The following BLM variants were observed in gnomAD, a reference collection of about 807,000 sequenced individuals.
The protein encoded by BLM is recQ-like DNA helicase BLM.
In BLM, 95 loss-of-function variants were observed where a neutral mutation model predicts 135.3. The observed-to-expected ratio is 0.70, with a 90% CI of 0.59 to 0.83. BLM has a LOEUF of 0.83. Among genes scored for constraint, BLM ranks in the 40% least tolerant of loss-of-function variants. BLM has a pLI of 0.00. For missense variants in BLM, 1,518 were observed against 1,663.9 expected (o/e 0.91, Z 1.53); for synonymous variants, 520 against 589.2 (o/e 0.88, Z 1.70).
intron 12 of BLM, among the ~76,000 whole-genome samples, chr15:90,781,437 C>T (rs1488209355): frequency 6.6e-6 from 1 of 152,072 alleles, no homozygotes; most frequent in Non-Finnish European, 1.5e-5. Context: ...CCAGCCTGGC[C>T]AACATGGTGA....
At chr15:90,772,263 C>G (rs1896341861) in intron 12 of BLM, among the ~76,000 whole-genome samples, 1 of 152,186 alleles carries the variant, frequency 6.6e-6, no homozygotes, top group Admixed American at 6.5e-5. Context: ...GTGCTGCTCT[C>G]CTCCCGCCAG....
chr15:90,722,174 A>G (rs1173997339), intron 1 of BLM, among the ~76,000 whole-genome samples: 1 of 151,730 alleles, frequency 6.6e-6, no homozygotes. Flanking sequence ...CAGTGGCGCA[A>G]TCTTGGCTCA....
At chr15:90,758,274 G>C (rs1895872844) in intron 5 of BLM, among the ~76,000 whole-genome samples, 1 of 152,082 alleles carries the variant, frequency 6.6e-6, no homozygotes, top group Admixed American at 6.5e-5. Context: ...GATCATTTGA[G>C]GTTTAGGAGT....
In BLM at chr15:90,754,874, T is replaced by C. The variant is rs28385006; in HGVS notation, c.1023T>C (p.Leu341=). The change falls in exon 5 of 22, where the codon CTT becomes CTC. Residue 341 remains leucine (L), a synonymous_variant. Transcript: ENST00000355112. The part of the protein sequence containing the change: ...KEDVLSTSKD[L]LSKPEKMSMQ... ...ATGTTCTTAGCACATCAAAAGATCTTTTGTCAAAACCTGAGAAAATGAGTA... is the reference window on the plus strand; with the variant it reads ...ATGTTCTTAGCACATCAAAAGATCTCTTGTCAAAACCTGAGAAAATGAGTA... The C allele has an allele frequency of 4.3e-6, 7 of 1,613,960 alleles. No homozygotes were observed. The East Asian group carries it at 1.6e-4, about 36-fold the overall frequency.
intron 7 of BLM, among the ~76,000 whole-genome samples, chr15:90,762,165 G>GT (rs1555420067): frequency 6.6e-6 from 1 of 152,158 alleles, no homozygotes; most frequent in Non-Finnish European, 1.5e-5. Context: ...TGGGGTTAGC[G>GT]TAACTGCCAG....
intron 9 of BLM, among the ~76,000 whole-genome samples, chr15:90,766,627 C>T (rs1326103864): frequency 2.0e-5 from 3 of 151,934 alleles, no homozygotes; most frequent in Admixed American, 6.6e-5. Context: ...GGGGTTTCTC[C>T]GTGTTGGCCA....
At chr15:90,737,490 G>A (rs530888880) in intron 1 of BLM, among the ~76,000 whole-genome samples, 294 of 152,278 alleles carry the variant, frequency 1.9e-3, no homozygotes, top group Non-Finnish European at 3.4e-3. Flanking sequence ...TTCTATGGCT[G>A]AAGCAGGAAA....
At position 90,809,207 on chromosome 15, in the gene BLM, T is replaced by C. The variant is rs578242272; in HGVS notation, c.3822T>C (p.Tyr1274=). The C allele has an allele frequency of 1.2e-6, 2 of 1,614,194 alleles. No homozygotes were observed. The highest frequency in any genetic ancestry group is 2.2e-5 in the East Asian group (1 of 44,890). ...DGVTEDKLEK[Y]GAEVISVLQK... is the part of the protein sequence containing the mutation. ...TTACTGAAGACAAACTGGAAAAATA[T>C]GGTGCGGAAGTGATTTCAGTATTAC... The change falls in exon 20 of 22, where the codon TAT becomes TAC. Residue 1274 remains tyrosine, a synonymous_variant. Transcript: ENST00000355112.
chr15:90,772,222 A>G (rs918479521), intron 12 of BLM, among the ~76,000 whole-genome samples: 19 of 152,176 alleles, frequency 1.2e-4, no homozygotes, highest in East Asian at 1.9e-4. Flanking sequence ...TGGCGAAGTC[A>G]GGTATTCCTA....
At chr15:90,741,124 C>G (rs1200528358) in intron 1 of BLM, among the ~76,000 whole-genome samples, 1 of 152,140 alleles carries the variant, frequency 6.6e-6, no homozygotes, top group South Asian at 2.1e-4. Flanking sequence ...TTTATTATAG[C>G]TACTTTTTAA....
intron 19 of BLM, among the ~76,000 whole-genome samples, chr15:90,808,224 C>T (rs567462854): frequency 1.3e-5 from 2 of 152,322 alleles, no homozygotes; most frequent in East Asian, 3.9e-4. Context: ...ATTAAACCCC[C>T]TTCATAAACC....
At chr15:90,725,762 C>T (rs1894896877) in intron 1 of BLM, among the ~76,000 whole-genome samples, 1 of 151,710 alleles carries the variant, frequency 6.6e-6, no homozygotes, top group Non-Finnish European at 1.5e-5. Flanking sequence ...CCACCCGCCT[C>T]GGCCTCCCAA....
chr15:90,774,997 G>A (rs1452764546), intron 12 of BLM, among the ~76,000 whole-genome samples: 1 of 152,200 alleles, frequency 6.6e-6, no homozygotes, highest in African/African-American at 2.4e-5. Flanking sequence ...GAAGTGGCTT[G>A]ATCTGAACTG....
intron 19 of BLM, 136 bp downstream of exon 19, chr15:90,804,495 G>C (rs1596268435): frequency 2.0e-6 from 2 of 976,672 alleles, no homozygotes; most frequent in East Asian, 2.5e-5. Flanking sequence ...ACGGGGTCTC[G>C]CTGTGTCACC....
At chr15:90,742,518 C>T (rs1176538865) in intron 1 of BLM, among the ~76,000 whole-genome samples, 2 of 152,110 alleles carry the variant, frequency 1.3e-5, no homozygotes, top group Non-Finnish European at 2.9e-5. Context: ...AGATCCCCAA[C>T]CAGTAACTTT....
chr15:90,743,502 C>G (rs1895422718), intron 1 of BLM, among the ~76,000 whole-genome samples: 1 of 151,686 alleles, frequency 6.6e-6, no homozygotes. Context: ...AATTTTTCTC[C>G]TTTATCACTG....
chr15:90,754,753 A>T (rs1323005855), intron 4 of BLM, 58 bp from the exon 5 acceptor site: 12 of 1,555,784 alleles, frequency 7.7e-6, no homozygotes, highest in Non-Finnish European at 1.1e-5. Flanking sequence ...TTTCAAAATT[A>T]TACATTTATT....
chr15:90,734,579 T>A (rs1040673000), intron 1 of BLM, among the ~76,000 whole-genome samples: 3 of 152,036 alleles, frequency 2.0e-5, no homozygotes, highest in Non-Finnish European at 4.4e-5. Context: ...TGAGCCACCA[T>A]GCCTGGCCAA....
At chr15:90,792,598 A>G (rs1251705910) in intron 15 of BLM, among the ~76,000 whole-genome samples, 1 of 152,188 alleles carries the variant, frequency 6.6e-6, no homozygotes. Flanking sequence ...GATCACTGAT[A>G]TGGCAGGAGC....
Sources: allele counts gnomAD v4.1 joint callset (sites outside exome capture counted in the v4.1 genomes callset), GRCh38; gene constraint gnomAD v4.1.1; transcripts MANE v1.5; gene names NCBI Gene and HGNC (gene_info 2026-07-23, HGNC 2026-07-21).